The following SDK1 variants were observed in gnomAD, a reference collection of about 807,000 sequenced individuals.
SDK1 encodes protein sidekick-1.
Under a neutral mutation model 245.5 loss-of-function variants are expected in SDK1, and 157 were observed. The ratio of observed to expected loss-of-function variants is 0.64; its 90% CI spans 0.56 to 0.73. The LOEUF is 0.73. Among genes scored for constraint, SDK1 ranks in the 30% least tolerant of loss-of-function variants. The pLI, the probability that SDK1 is intolerant of heterozygous loss-of-function variation, is 0.00. For synonymous variants in SDK1, 1,647 were observed against 1,278.5 expected (o/e 1.29, Z -6.15); for missense variants, 3,583 against 3,002.3 (o/e 1.19, Z -4.52).
At chr7:3,629,755 TCA>T (rs770059263) in intron 2 of SDK1, among the ~76,000 whole-genome samples, 4 of 152,324 alleles carry the variant, frequency 2.6e-5, no homozygotes, top group Admixed American at 2.0e-4. Context: ...AAGGGAAAAT[TCA>T]CAGTGTCTAG....
chr7:3,730,843 C>T (rs1324112527), intron 4 of SDK1, among the ~76,000 whole-genome samples: 1 of 152,096 alleles, frequency 6.6e-6, no homozygotes, highest in Non-Finnish European at 1.5e-5. Context: ...ACACTCTGGC[C>T]TTGAAGATTC....
At position 4,266,441 on chromosome 7, in the gene SDK1, G is replaced by A. The variant is rs891912118; in HGVS notation, c.*1057G>A. The A allele has an allele frequency of 9.1e-6, 9 of 985,250 alleles. No homozygotes were observed. The highest frequency in any genetic ancestry group is 2.3e-4 in the East Asian group (2 of 8,802). The allele number at this position is 985,250 out of a possible 1,614,324, so 61.0% of individuals were successfully genotyped here. The stretch of plus-strand genomic sequence containing the variant: ...CGACTCGCCTCGTGCACACCAGGCC[G>A]TCCCCTCCCTCTGTCCTGGCTTCTG... On this transcript the variant is annotated 3_prime_UTR_variant, in exon 45 of 45. Transcript: ENST00000404826.
intron 4 of SDK1, among the ~76,000 whole-genome samples, chr7:3,687,305 T>A (rs1307166733): frequency 6.6e-6 from 1 of 152,032 alleles, no homozygotes; most frequent in East Asian, 1.9e-4. Flanking sequence ...ATTTTTGTAT[T>A]TTTAGGAGAG....
chr7:3,827,043 A>AG (rs1779792800), intron 5 of SDK1, among the ~76,000 whole-genome samples: 1 of 152,138 alleles, frequency 6.6e-6, no homozygotes, highest in South Asian at 2.1e-4. Flanking sequence ...TTCCATCCCA[A>AG]GGTGTCCCCT....
intron 1 of SDK1, among the ~76,000 whole-genome samples, chr7:3,406,634 G>C (rs1779062458): frequency 6.6e-6 from 1 of 152,094 alleles, no homozygotes; most frequent in Non-Finnish European, 1.5e-5. Context: ...CCAGACCAGG[G>C]CACTAAACGA....
intron 2 of SDK1, among the ~76,000 whole-genome samples, chr7:3,638,716 A>G (rs1202677358): frequency 6.6e-6 from 1 of 151,416 alleles, no homozygotes; most frequent in Non-Finnish European, 1.5e-5. Context: ...GCACACCAGC[A>G]TGGCACATGT....
In SDK1 at chr7:3,987,209, A is replaced by C. The variant is rs780508005; in HGVS notation, c.2018A>C (p.Asn673Thr). ...AGTGAACTGCCTCATTCACCTCAGA[A>C]CCTCCTGGTCAGCCCTAATTCTTCC... ...EVIELPHSPQ[N>T]LLVSPNSSHS... The change falls in exon 14 of 45, where the codon AAC becomes ACC. Residue 673 changes from asparagine (N) to threonine (T), a missense_variant. Asn to Thr is a moderately conservative substitution (Grantham distance 65). Transcript: ENST00000404826. The C allele has an allele frequency of 6.2e-7, 1 of 1,613,552 alleles. No homozygotes were observed. The highest frequency in any genetic ancestry group is 8.5e-7 in the Non-Finnish European group (1 of 1,179,902).
chr7:4,032,809 C>T (rs1208813793), intron 17 of SDK1, among the ~76,000 whole-genome samples: 1 of 152,158 alleles, frequency 6.6e-6, no homozygotes, highest in Non-Finnish European at 1.5e-5. Flanking sequence ...ACAAATGCTG[C>T]TGGAAGTTAC....
At chr7:3,977,508 C>T (rs550258599) in intron 13 of SDK1, among the ~76,000 whole-genome samples, 1 of 152,368 alleles carries the variant, frequency 6.6e-6, no homozygotes, top group South Asian at 2.1e-4. Flanking sequence ...AGCCTACGAC[C>T]CTGGGTTCTT....
In SDK1 at chr7:4,051,730, C is replaced by T. The variant is rs1778864869; in HGVS notation, c.2811C>T (p.Asn937=). The T allele has an allele frequency of 1.2e-6, 2 of 1,613,896 alleles. No individual in the cohort carries two copies. Among genetic ancestry groups the T allele is most frequent in the Admixed American group, 1.7e-5 (1 of 59,984 alleles). The change falls in exon 19 of 45, where the codon AAC becomes AAT. Residue 937 remains asparagine (N), a synonymous_variant. Coordinates refer to ENST00000404826, the MANE Select transcript of SDK1 (RefSeq NM_152744.4). The part of the protein sequence containing the change: ...FHGVHHGHIT[N]LKKFTAYFTS... ...GAGTCCACCATGGACACATAACGAACCTGAAGAAGTTTACCGCCTACTTCA... is the reference window on the plus strand; with the variant it reads ...GAGTCCACCATGGACACATAACGAATCTGAAGAAGTTTACCGCCTACTTCA...
intron 17 of SDK1, among the ~76,000 whole-genome samples, chr7:4,035,850 AAC>A (rs1788170856): frequency 6.6e-6 from 1 of 152,204 alleles, no homozygotes; most frequent in Non-Finnish European, 1.5e-5. Context: ...CTCTTAGGCC[AAC>A]TTGAAGAGGC....
Position 3,881,584 on chromosome 7 carries a change from CT to C in SDK1, c.847+60004del, listed in dbSNP as rs576361813. On this transcript the variant is annotated intron_variant, in intron 5 of 44. Coordinates refer to ENST00000404826, the MANE Select transcript of SDK1 (RefSeq NM_152744.4). ...AACATATGCATATGCGTGCATACAT[CT>C]TTATAACAGCATGATTTATATTCAT... Among the ~76,000 whole-genome samples the C allele has an allele frequency of 2.8e-4, 42 of 152,300 alleles. No homozygotes were observed. In the South Asian group the frequency reaches 8.5e-3, roughly 31 times the overall value.
intron 1 of SDK1, among the ~76,000 whole-genome samples, chr7:3,555,541 A>C (rs1438856185): frequency 6.6e-6 from 1 of 152,198 alleles, no homozygotes; most frequent in African/African-American, 2.4e-5. Flanking sequence ...ATACTCTACA[A>C]ATATGGGCAA....
intron 14 of SDK1, among the ~76,000 whole-genome samples, chr7:3,997,010 C>T (rs1784735863): frequency 1.3e-5 from 2 of 152,166 alleles, no homozygotes; most frequent in African/African-American, 2.4e-5. Flanking sequence ...ATATATACAG[C>T]CATATAGCCC....
chr7:3,669,906 C>G (rs1358948216), intron 4 of SDK1, among the ~76,000 whole-genome samples: 5 of 152,178 alleles, frequency 3.3e-5, no homozygotes, highest in Non-Finnish European at 7.3e-5. Context: ...TCCTGGCTCT[C>G]CTTTCTTAAC....
intron 1 of SDK1, among the ~76,000 whole-genome samples, chr7:3,532,167 C>T (rs546829309): frequency 6.6e-6 from 1 of 152,158 alleles, no homozygotes; most frequent in Non-Finnish European, 1.5e-5. Flanking sequence ...TGGCTCAGGA[C>T]TACTGTTTTT....
At chr7:3,497,713 A>T (rs2128607075) in intron 1 of SDK1, among the ~76,000 whole-genome samples, 1 of 152,308 alleles carries the variant, frequency 6.6e-6, no homozygotes, top group African/African-American at 2.4e-5. Flanking sequence ...AAAATCACAT[A>T]CCTTGATAAA....
intron 15 of SDK1, among the ~76,000 whole-genome samples, chr7:4,011,540 G>T (rs1007060472): frequency 1.3e-5 from 2 of 152,194 alleles, no homozygotes; most frequent in Non-Finnish European, 2.9e-5. Flanking sequence ...GCATTCCTGA[G>T]CGGTCTTCAC....
intron 1 of SDK1, among the ~76,000 whole-genome samples, chr7:3,384,999 C>G (rs1212527937): frequency 6.6e-6 from 1 of 151,860 alleles, no homozygotes; most frequent in East Asian, 1.9e-4. Context: ...GTGTGACATT[C>G]TGGAGAAAGT....
Sources: gnomAD v4.1 joint callset for allele counts (sites outside exome capture counted in the v4.1 genomes callset) on GRCh38, gnomAD v4.1.1 for gene constraint, MANE v1.5 for transcripts, NCBI Gene and HGNC (gene_info 2026-07-23, HGNC 2026-07-21) for gene names.